Variants in SNX13 observed in about 807,000 individuals in gnomAD.
The protein encoded by SNX13 is sorting nexin 13, also known as sorting nexin-13.
A neutral mutation model predicts 133.6 loss-of-function variants in SNX13; 45 were observed. The ratio of observed to expected loss-of-function variants is 0.34; its 90% CI spans 0.27 to 0.43. The LOEUF (loss-of-function observed/expected upper bound fraction) is 0.43, where lower values mean the gene tolerates loss of function less well. Among genes scored for constraint, SNX13 ranks in the 20% least tolerant of loss-of-function variants. The pLI is 1.00. For missense variants in SNX13, 1,032 were observed against 1,145.1 expected, an observed-to-expected ratio of 0.90 and a Z score of 1.43; for synonymous variants, 414 against 373.9, an observed-to-expected ratio of 1.11 and a Z score of -1.24.
intron 15 of SNX13, among the ~76,000 whole-genome samples, chr7:17,833,360 C>T (rs905725569): frequency 4.6e-5 from 7 of 151,508 alleles, no homozygotes; most frequent in South Asian, 4.1e-4. Flanking sequence ...CAATGACTAA[C>T]GTAAGATATT....
chr7:17,937,122 A>AAAT (rs1359023503), intron 1 of SNX13, among the ~76,000 whole-genome samples: 1 of 151,718 alleles, frequency 6.6e-6, no homozygotes, highest in Non-Finnish European at 1.5e-5. Context: ...CAAGTTTTCT[A>AAAT]AATAATTCCA....
intron 22 of SNX13, 130 bp from the exon 23 acceptor site, chr7:17,799,284 T>C (rs577136624): frequency 1.8e-5 from 13 of 734,688 alleles, no homozygotes; most frequent in African/African-American, 5.5e-5. Flanking sequence ...CCTTTGTAAC[T>C]TGACATTAAA....
chr7:17,940,433 G>A lies in SNX13; in HGVS notation c.-138C>T, dbSNP rs753230502. 1.0e-6 allele frequency: 1 copy of A among 963,838 alleles called. No individual in the cohort carries two copies. Among genetic ancestry groups the A allele is most frequent in the Non-Finnish European group, 1.6e-6 (1 of 620,592 alleles). The allele number at this position is 963,838 out of a possible 1,614,324, so 59.7% of individuals were successfully genotyped here. On this transcript the variant is annotated 5_prime_UTR_variant, in exon 1 of 26. Coordinates refer to ENST00000428135, the MANE Select transcript of SNX13 (RefSeq NM_015132.5). ...TTCTCCCGGGCGGCGGTTTTACTCG[G>A]CTTCGCTGGCCTCCCCTCGGCCCGG...
chr7:17,846,821 T>C (rs1211744396), intron 11 of SNX13, among the ~76,000 whole-genome samples: 1 of 152,194 alleles, frequency 6.6e-6, no homozygotes, highest in East Asian at 1.9e-4. Context: ...GTATCACCTC[T>C]TTCTCCTGCC....
chr7:17,867,695 A>C (rs1793569893), intron 9 of SNX13, among the ~76,000 whole-genome samples: 2 of 152,136 alleles, frequency 1.3e-5, no homozygotes, highest in African/African-American at 4.8e-5. Flanking sequence ...CAATCAAGTA[A>C]TTCTTTCTTA....
chr7:17,911,358 C>T (rs79907756), intron 1 of SNX13, among the ~76,000 whole-genome samples: 1,889 of 152,168 alleles, frequency 0.012, 17 homozygotes, highest in Middle Eastern at 0.024. Flanking sequence ...AACATAATTG[C>T]CGGGGCGCAG....
intron 11 of SNX13, among the ~76,000 whole-genome samples, chr7:17,846,647 A>G (rs990459423): frequency 6.6e-6 from 1 of 152,108 alleles, no homozygotes; most frequent in African/African-American, 2.4e-5. Context: ...GGTGGTAAAT[A>G]AAGGAAAATG....
chr7:17,937,632 G>T (rs1451923302), intron 1 of SNX13, among the ~76,000 whole-genome samples: 1 of 151,224 alleles, frequency 6.6e-6, no homozygotes, highest in Non-Finnish European at 1.5e-5. Context: ...CCTCACCTTG[G>T]TTAAAAAAAA....
chr7:17,856,688 A>T (rs1365541262), intron 9 of SNX13, among the ~76,000 whole-genome samples: 1 of 151,622 alleles, frequency 6.6e-6, no homozygotes, highest in Non-Finnish European at 1.5e-5. Flanking sequence ...GCTACATGTG[A>T]AACTGAGTTG....
chr7:17,815,626 T>A (rs1310134333), intron 19 of SNX13, among the ~76,000 whole-genome samples: 1 of 151,962 alleles, frequency 6.6e-6, no homozygotes, highest in Non-Finnish European at 1.5e-5. Flanking sequence ...CGAAATAAAG[T>A]ACATAAAATA....
intron 20 of SNX13, among the ~76,000 whole-genome samples, chr7:17,807,176 C>A (rs536602299): frequency 5.9e-5 from 9 of 152,206 alleles, no homozygotes; most frequent in African/African-American, 1.7e-4. Flanking sequence ...ATCCCACCCC[C>A]ACGGAGCCCA....
intron 1 of SNX13, among the ~76,000 whole-genome samples, chr7:17,914,999 T>A (rs553052234): frequency 7.5e-4 from 114 of 152,288 alleles, no homozygotes; most frequent in African/African-American, 2.7e-3. Context: ...ATGACACCCA[T>A]AGGCTCAAAA....
Position 17,834,072 on chromosome 7 carries a change from C to T in SNX13, c.1577G>A (p.Gly526Glu), listed in dbSNP as rs1788842815. The T allele has an allele frequency of 2.5e-6, 4 of 1,574,350 alleles. No individual in the cohort carries two copies. In the Admixed American group the frequency reaches 5.2e-5, roughly 20 times the overall value. Reference sequence around the variant, plus strand: ...CTTACCTCCATCCCCATCATCGGATCCTCTGAAACTAGGATCTTTTAACAT... The same window carrying T: ...CTTACCTCCATCCCCATCATCGGATTCTCTGAAACTAGGATCTTTTAACAT... ...LDMLKDPSFRGSDDGDGESFN... is the reference protein window; with the variant it reads ...LDMLKDPSFRESDDGDGESFN... The change falls in exon 15 of 26, where the codon GGA (glycine) becomes GAA (glutamate). Residue 526 changes from glycine (G) to glutamate (E), a missense_variant. By Grantham distance (98) the Gly-to-Glu change is moderately conservative. Coordinates refer to ENST00000428135, the MANE Select transcript of SNX13 (RefSeq NM_015132.5).
chr7:17,869,633 C>G (rs1400908111), intron 8 of SNX13, among the ~76,000 whole-genome samples: 2 of 151,954 alleles, frequency 1.3e-5, no homozygotes, highest in African/African-American at 4.8e-5. Context: ...CAACTATTAC[C>G]CCCATGATGA....
chr7:17,903,471 A>G (rs781659418), intron 1 of SNX13, among the ~76,000 whole-genome samples: 3 of 152,178 alleles, frequency 2.0e-5, no homozygotes, highest in Non-Finnish European at 4.4e-5. Context: ...CAGACTTAGG[A>G]GTTAGGACTA....
In SNX13 at chr7:17,887,853, G is replaced by GAA. The variant is rs60926364; in HGVS notation, c.440+2508_440+2509dup. Among the ~76,000 whole-genome samples the GAA allele has an allele frequency of 6.7e-3, 985 of 146,110 alleles. 9 individuals are homozygous for GAA. Among genetic ancestry groups the GAA allele is most frequent in the African/African-American group, 0.015 (602 of 40,172 alleles). ...TCAAACCTATGAAACCACTGGATAG[G>GAA]AAAAAAAAAAAAACCACAGTTTTTT... On this transcript the variant is annotated intron_variant, in intron 5 of 25. Transcript: ENST00000428135.
At chr7:17,868,624 C>CA in intron 8 of SNX13, 134 bp from the exon 9 acceptor site, 1 of 627,050 alleles carries the variant, frequency 1.6e-6, no homozygotes, top group Non-Finnish European at 2.7e-6. Flanking sequence ...ATAAGCAACA[C>CA]AGTCTTATAA....
intron 16 of SNX13, among the ~76,000 whole-genome samples, chr7:17,828,707 C>G (rs535806206): frequency 6.6e-6 from 1 of 151,518 alleles, no homozygotes; most frequent in East Asian, 1.9e-4. Context: ...TCAAGTATGA[C>G]TGTTTTTTGA....
At chr7:17,849,753 C>T (rs978536335) in intron 11 of SNX13, among the ~76,000 whole-genome samples, 2 of 152,166 alleles carry the variant, frequency 1.3e-5, no homozygotes, top group Admixed American at 6.5e-5. Context: ...TCATGACTGC[C>T]TCTAAGATAG....
Sources: gnomAD v4.1 joint callset for allele counts (sites outside exome capture counted in the v4.1 genomes callset) on GRCh38, gnomAD v4.1.1 for gene constraint, MANE v1.5 for transcripts, NCBI Gene and HGNC (gene_info 2026-07-23, HGNC 2026-07-21) for gene names.